GPHN: variants seen among roughly 807,000 people sequenced by gnomAD.
GPHN encodes gephyrin.
GPHN carries 17 observed loss-of-function variants against 95.5 expected under a neutral mutation model. The ratio of observed to expected loss-of-function variants is 0.18; its 90% CI spans 0.12 to 0.27. GPHN has a LOEUF of 0.27. GPHN is among the 10% of genes least tolerant of loss of function. The pLI is 1.00. For missense variants in GPHN, 660 were observed against 978.1 expected (o/e 0.67, Z 4.34); for synonymous variants, 320 against 322.5 (o/e 0.99, Z 0.08).
At chr14:67,082,354 T>C in intron 11 of GPHN, among the ~76,000 whole-genome samples, 1 of 152,162 alleles carries the variant, frequency 6.6e-6, no homozygotes, top group Admixed American at 6.6e-5. Context: ...TGCATTTGGG[T>C]ATCTGATTTT....
the GPHN span, among the ~76,000 whole-genome samples, chr14:67,457,831 C>T: frequency 6.6e-6 from 1 of 152,200 alleles, no homozygotes; most frequent in Admixed American, 6.5e-5. Flanking sequence ...GACTCCCCTG[C>T]TATAGGCTGT....
the GPHN span, chr14:67,656,547 C>T: frequency 6.2e-7 from 1 of 1,613,906 alleles, no homozygotes; most frequent in Non-Finnish European, 8.5e-7. Flanking sequence ...TTCAGGCTTT[C>T]AGTGCCCTGC....
chr14:67,454,720 A>G, the GPHN span: 1 of 152,236 alleles, frequency 6.6e-6, no homozygotes, highest in African/African-American at 2.4e-5. Context: ...GTGGACTTTA[A>G]TAAGTTATAT....
chr14:66,809,078 C>T (rs1254859268), intron 3 of GPHN, among the ~76,000 whole-genome samples: 4 of 151,982 alleles, frequency 2.6e-5, no homozygotes, highest in South Asian at 2.1e-4. Flanking sequence ...ATGTTTTGGT[C>T]GGGGGCATAG....
the GPHN span, among the ~76,000 whole-genome samples, chr14:67,482,804 C>T: frequency 6.6e-6 from 1 of 152,114 alleles, no homozygotes; most frequent in African/African-American, 2.4e-5. Flanking sequence ...CAGACTTCCA[C>T]CCTCTTGCTG....
chr14:67,426,357 A>G, the GPHN span, among the ~76,000 whole-genome samples: 1 of 152,138 alleles, frequency 6.6e-6, no homozygotes. Context: ...TAAGAATCAA[A>G]GCCCTGGGAC....
At chr14:67,120,524 C>A (rs2078961416) in intron 16 of GPHN, among the ~76,000 whole-genome samples, 2 of 151,914 alleles carry the variant, frequency 1.3e-5, no homozygotes, top group Admixed American at 1.3e-4. Flanking sequence ...ATTTCTGGAA[C>A]TGTTTGCAGC....
the GPHN span, among the ~76,000 whole-genome samples, chr14:67,708,046 C>T: frequency 6.6e-6 from 1 of 152,224 alleles, no homozygotes; most frequent in African/African-American, 2.4e-5. Context: ...TCTTACTGCA[C>T]TTACGTAAAT....
intron 2 of GPHN, among the ~76,000 whole-genome samples, chr14:66,763,304 T>C (rs902678554): frequency 1.4e-4 from 21 of 149,256 alleles, no homozygotes; most frequent in African/African-American, 5.2e-4. Context: ...GTTAGTTACA[T>C]ATGTATACAT....
At chr14:67,685,312 T>A in the GPHN span, 1 of 819,124 alleles carries the variant, frequency 1.2e-6, no homozygotes, top group Non-Finnish European at 1.9e-6. Context: ...TATGGACTCT[T>A]TTGCCCATGG....
chr14:67,563,699 C>T, the GPHN span, among the ~76,000 whole-genome samples: 1 of 147,550 alleles, frequency 6.8e-6, no homozygotes, highest in South Asian at 2.2e-4. Flanking sequence ...TCCCAAAGTG[C>T]TGGGATTGTA....
At chr14:66,666,340 T>A (rs547444605) in intron 1 of GPHN, among the ~76,000 whole-genome samples, 45 of 151,356 alleles carry the variant, frequency 3.0e-4, no homozygotes, top group South Asian at 1.0e-3. Flanking sequence ...ATTAATAATT[T>A]TATATGGTTT....
At chr14:67,585,858 C>T in the GPHN span, 1 of 1,361,498 alleles carries the variant, frequency 7.3e-7, no homozygotes, top group Non-Finnish European at 1.0e-6. Flanking sequence ...GGGAGTTCTC[C>T]TTTCCTGTGC....
chr14:66,861,151 T>C (rs1009274929), intron 4 of GPHN, among the ~76,000 whole-genome samples: 4 of 152,080 alleles, frequency 2.6e-5, no homozygotes, highest in Admixed American at 2.6e-4. Flanking sequence ...ACAGTTCACC[T>C]GTAAAGACAA....
At chr14:67,361,109 TGTTA>T in the GPHN span, among the ~76,000 whole-genome samples, 2 of 152,254 alleles carry the variant, frequency 1.3e-5, no homozygotes, top group Non-Finnish European at 2.9e-5. Flanking sequence ...AGGTTAACTA[TGTTA>T]GTTAAGCATA....
chr14:67,296,444 CA>C, the GPHN span, among the ~76,000 whole-genome samples: 2 of 151,492 alleles, frequency 1.3e-5, 1 homozygote, highest in South Asian at 4.2e-4. Flanking sequence ...ACTAAAAATA[CA>C]AAAAAATTAG....
At chr14:66,554,664 A>G (rs1378923152) in intron 1 of GPHN, among the ~76,000 whole-genome samples, 1 of 152,196 alleles carries the variant, frequency 6.6e-6, no homozygotes, top group African/African-American at 2.4e-5. Flanking sequence ...ATACCCGGGG[A>G]TTACAATTCA....
At chr14:67,579,186 C>T in the GPHN span, 1 of 1,610,370 alleles carries the variant, frequency 6.2e-7, no homozygotes, top group African/African-American at 1.3e-5. Flanking sequence ...GGAGCGGACC[C>T]TGCGGACCGG....
the GPHN span, among the ~76,000 whole-genome samples, chr14:67,325,900 C>A: frequency 2.0e-5 from 3 of 151,590 alleles, no homozygotes; most frequent in Admixed American, 6.6e-5. Flanking sequence ...CCTCCGCCTC[C>A]TGGGTTCGAG....
Sources: allele counts gnomAD v4.1 joint callset (sites outside exome capture counted in the v4.1 genomes callset), GRCh38; gene constraint gnomAD v4.1.1; transcripts MANE v1.5; gene names NCBI Gene and HGNC (gene_info 2026-07-23, HGNC 2026-07-21).